CNOT2: variants seen among roughly 807,000 people sequenced by gnomAD.
CNOT2 encodes CC chemokine receptor 4-negative regulator of transcription 2.
Under a neutral mutation model 72.1 loss-of-function variants are expected in CNOT2, and 7 were observed. The observed-to-expected ratio is 0.10, with a 90% CI of 0.06 to 0.18. The LOEUF (loss-of-function observed/expected upper bound fraction) is 0.18. Among genes scored for constraint, CNOT2 ranks in the 10% least tolerant of loss-of-function variants. CNOT2 has a pLI of 1.00. For synonymous variants in CNOT2, 196 were observed against 225.6 expected (o/e 0.87, Z 1.17); for missense variants, 345 against 660.3 (o/e 0.52, Z 5.23).
intron 2 of CNOT2, 33 bp downstream of exon 2, chr12:70,278,307 G>C (rs774883554): frequency 6.9e-7 from 1 of 1,459,300 alleles, no homozygotes; most frequent in East Asian, 2.3e-5. Flanking sequence ...TTTCTCTATT[G>C]GTCTTATAGC....
intron 1 of CNOT2, among the ~76,000 whole-genome samples, chr12:70,255,251 T>C (rs913937798): frequency 1.9e-4 from 29 of 152,166 alleles, no homozygotes; most frequent in African/African-American, 6.3e-4. Flanking sequence ...TAACTGTATT[T>C]GTGTCCTTTC....
Position 70,335,455 on chromosome 12 carries a change from A to T in CNOT2, c.667A>T (p.Thr223Ser), listed in dbSNP as rs776005787. 1.2e-6 allele frequency: 2 copies of T among 1,603,588 alleles called. No homozygotes were observed. Among genetic ancestry groups the T allele is most frequent in the Admixed American group, 3.3e-5 (2 of 59,890 alleles). ...TTATTTAGACGGAAGTGAAAATGTG[A>T]CAGGATTGGACCTTTCAGATTTCCC... The part of the protein sequence containing the change: ...FNGTDGSENV[T>S]GLDLSDFPAL... The change falls in exon 8 of 16, where the codon ACA becomes TCA. Residue 223 changes from threonine (T) to serine (S), a missense_variant. By Grantham distance (58) the Thr-to-Ser change is moderately conservative. Around this residue, in one of 4 missense-constraint regions of CNOT2, gnomAD observed 128 missense variants for 233.0 expected, o/e 0.55. Coordinates refer to ENST00000229195, the MANE Select transcript of CNOT2 (RefSeq NM_014515.7).
Position 70,279,828 on chromosome 12 carries a change from A to G in CNOT2, c.48+1554A>G, listed in dbSNP as rs1268434644. The stretch of plus-strand genomic sequence containing the variant: ...AAGAAAGAAAACAGAATTATGTTTT[A>G]TACATGAAGAGATTTGCTTATTCTT... On this transcript the variant is annotated intron_variant, in intron 2 of 15. Transcript: ENST00000229195. Among the ~76,000 whole-genome samples, 4 of 152,228 alleles carry G rather than the reference A, an allele frequency of 2.6e-5. No homozygotes were observed. In the East Asian group the frequency reaches 7.7e-4, roughly 29 times the overall value.
intron 1 of CNOT2, among the ~76,000 whole-genome samples, chr12:70,268,680 C>T (rs375040385): frequency 6.6e-6 from 1 of 151,506 alleles, no homozygotes; most frequent in Non-Finnish European, 1.5e-5. Flanking sequence ...GGTCTGGCCT[C>T]GAACTCTGGG....
At chr12:70,292,293 A>C (rs900936241) in intron 2 of CNOT2, among the ~76,000 whole-genome samples, 1 of 152,214 alleles carries the variant, frequency 6.6e-6, no homozygotes, top group Non-Finnish European at 1.5e-5. Context: ...CAACTGTGGG[A>C]CATTCTGCAG....
chr12:70,283,626 G>A (rs985942672), intron 2 of CNOT2, among the ~76,000 whole-genome samples: 2 of 138,214 alleles, frequency 1.4e-5, no homozygotes, highest in Non-Finnish European at 3.1e-5. Context: ...GAATAAGAGC[G>A]ACCTAATGAA....
intron 4 of CNOT2, chr12:70,324,146 T>C (rs1164678636): frequency 1.3e-5 from 2 of 151,812 alleles, no homozygotes; most frequent in Admixed American, 6.6e-5. Context: ...CTGAATGCCA[T>C]GACCCTAGAA....
At chr12:70,325,953 GAA>G (rs1380312341) in intron 4 of CNOT2, among the ~76,000 whole-genome samples, 6 of 151,800 alleles carry the variant, frequency 4.0e-5, no homozygotes, top group African/African-American at 1.5e-4. Context: ...ATTGAATAAA[GAA>G]TGACGTATTT....
At chr12:70,271,447 C>T (rs1015113751) in intron 1 of CNOT2, among the ~76,000 whole-genome samples, 2 of 144,576 alleles carry the variant, frequency 1.4e-5, no homozygotes, top group Admixed American at 1.4e-4. Flanking sequence ...AATCTCAGCT[C>T]ACTGCAACCT....
rs1387531054 is a variant in CNOT2, at chr12:70,337,961, G to A, written c.900+448G>A. 2.6e-5 allele frequency: 7 copies of A among 270,136 alleles called. No individual in the cohort carries two copies. The East Asian group carries it at 7.8e-4, about 30-fold the overall frequency. The allele number at this position is 270,136 out of a possible 1,614,324, so 16.7% of individuals were successfully genotyped here. A position where few individuals can be genotyped will look rare whatever the true frequency, so the allele number is the denominator to read the frequency against. ...AATAGCTTTTCTCTGTGTGTGATGG[G>A]AGTTTATATATTATTAAAATAATTG... On this transcript the variant is annotated intron_variant, in intron 9 of 15. Transcript: ENST00000229195.
intron 1 of CNOT2, among the ~76,000 whole-genome samples, chr12:70,258,538 T>C (rs1247540795): frequency 1.3e-5 from 2 of 152,240 alleles, no homozygotes; most frequent in Non-Finnish European, 2.9e-5. Flanking sequence ...AGATATTTTA[T>C]GTTACTCATT....
intron 4 of CNOT2, among the ~76,000 whole-genome samples, chr12:70,320,495 T>G (rs2135989118): frequency 6.6e-6 from 1 of 151,904 alleles, no homozygotes; most frequent in East Asian, 1.9e-4. Flanking sequence ...TTATTCTGTA[T>G]TAACAGTTTC....
chr12:70,268,639 T>G (rs1227282345), intron 1 of CNOT2, among the ~76,000 whole-genome samples: 1 of 151,892 alleles, frequency 6.6e-6, no homozygotes, highest in Non-Finnish European at 1.5e-5. Flanking sequence ...TTTTTTTTTT[T>G]TGGTAGTGAT....
At chr12:70,286,777 T>C (rs1273590341) in intron 2 of CNOT2, among the ~76,000 whole-genome samples, 1 of 144,510 alleles carries the variant, frequency 6.9e-6, no homozygotes, top group Non-Finnish European at 1.5e-5. Context: ...AGTATTGAGT[T>C]TGTAAGTGGA....
chr12:70,323,280 G>C (rs114644743), intron 4 of CNOT2: 223 of 151,660 alleles, frequency 1.5e-3, no homozygotes, highest in African/African-American at 5.3e-3. Flanking sequence ...ATTATTTATT[G>C]CATGTCCTCA....
intron 2 of CNOT2, among the ~76,000 whole-genome samples, chr12:70,304,105 T>A (rs562008023): frequency 6.6e-6 from 1 of 152,192 alleles, no homozygotes; most frequent in South Asian, 2.1e-4. Context: ...TCCATTCGTC[T>A]AATTTTTTTT....
intron 1 of CNOT2, chr12:70,243,701 G>A (rs1459525576): frequency 6.6e-6 from 1 of 150,944 alleles, no homozygotes; most frequent in Non-Finnish European, 1.5e-5. Flanking sequence ...GGCGGTGGAG[G>A]GAGGGAGGGG....
chr12:70,253,503 C>T (rs1052500209), intron 1 of CNOT2, among the ~76,000 whole-genome samples: 26 of 152,182 alleles, frequency 1.7e-4, no homozygotes, highest in Non-Finnish European at 2.6e-4. Flanking sequence ...CCATTGAGTA[C>T]GTGCTCATCT....
chr12:70,343,767 C>T (rs559125155), intron 13 of CNOT2, among the ~76,000 whole-genome samples: 1 of 152,246 alleles, frequency 6.6e-6, no homozygotes, highest in South Asian at 2.1e-4. Flanking sequence ...AGTAATAAAA[C>T]CAGGACTTGA....
Sources: gnomAD v4.1 joint callset for allele counts (sites outside exome capture counted in the v4.1 genomes callset) on GRCh38, gnomAD v4.1.1 for gene constraint, gnomAD v4.1.1 regional missense constraint, MANE v1.5 for transcripts, NCBI Gene and HGNC (gene_info 2026-07-23, HGNC 2026-07-21) for gene names.